Variants in SSH1 observed in about 807,000 individuals in gnomAD.
SSH1 encodes the protein slingshot protein phosphatase 1, also known as protein phosphatase Slingshot homolog 1.
In SSH1, 43 loss-of-function variants were observed where a neutral mutation model predicts 79.7. The ratio of observed to expected loss-of-function variants is 0.54; its 90% CI spans 0.42 to 0.70. The LOEUF (loss-of-function observed/expected upper bound fraction) is 0.70, where lower values mean the gene tolerates loss of function less well. Among genes scored for constraint, SSH1 ranks in the 30% least tolerant of loss-of-function variants. SSH1 has a pLI of 0.00. For synonymous variants in SSH1, 599 were observed against 538.3 expected, an observed-to-expected ratio of 1.11 and a Z score of -1.56; for missense variants, 1,206 against 1,358.8, an observed-to-expected ratio of 0.89 and a Z score of 1.77.
At chr12:108,816,889 C>T (rs2037914733) in intron 5 of SSH1, 149 bp downstream of exon 5, 1 of 1,192,558 alleles carries the variant, frequency 8.4e-7, no homozygotes, top group African/African-American at 1.5e-5. Flanking sequence ...AATGGCACAC[C>T]CTAGTGTTCC....
intron 2 of SSH1, among the ~76,000 whole-genome samples, chr12:108,835,815 TTAA>T (rs1307413712): frequency 4.7e-5 from 7 of 148,842 alleles, no homozygotes; most frequent in Non-Finnish European, 1.0e-4. Flanking sequence ...ATATTAAACA[TTAA>T]TGTTAATATT....
rs2036366614 is a variant in SSH1, at chr12:108,788,584, C to T, written c.2554G>A (p.Glu852Lys). 4 of 1,603,492 alleles carry T rather than the reference C, an allele frequency of 2.5e-6. No individual in the cohort carries two copies. Among genetic ancestry groups the T allele is most frequent in the Non-Finnish European group, 3.4e-6 (4 of 1,172,932 alleles). ...TGGCTCTCCTCGGGGATGCTGGCCT[C>T]CAGCCTGCTGGCAGGGCCATCCCTG... Reference protein sequence around the residue: ...PSRDGPASRLEASIPEESQDP... With the variant: ...PSRDGPASRLKASIPEESQDP... The change falls in exon 15 of 15, where the codon GAG becomes AAG. Residue 852 changes from glutamate (E) to lysine (K), a missense_variant. This residue lies in a region of SSH1 where 709 missense variants were observed against 730.6 expected (regional missense o/e 0.97). Coordinates refer to ENST00000326495, the MANE Select transcript of SSH1 (RefSeq NM_018984.4).
chr12:108,836,851 A>T lies in SSH1; in HGVS notation c.111-13490T>A, dbSNP rs571757464. The T allele has an allele frequency of 2.7e-4, 141 of 515,266 alleles. 1 individual carries two copies. The highest frequency in any genetic ancestry group is 1.3e-3 in the South Asian group (90 of 69,978). 31.9% of individuals were successfully genotyped at this position (515,266 alleles called of 1,614,324 possible). A position where few individuals can be genotyped will look rare whatever the true frequency, so the allele number is the denominator to read the frequency against. On this transcript the variant is annotated intron_variant, in intron 2 of 14. Coordinates refer to ENST00000326495, the MANE Select transcript of SSH1 (RefSeq NM_018984.4). The stretch of plus-strand genomic sequence containing the variant: ...CCCTTGGGTGATGTTCCAGCCAAAT[A>T]CACGTGCCCGGTGGAATCACACAAG...
At chr12:108,838,981 C>T (rs2038710566) in intron 2 of SSH1, among the ~76,000 whole-genome samples, 1 of 152,214 alleles carries the variant, frequency 6.6e-6, no homozygotes, top group Non-Finnish European at 1.5e-5. Context: ...CCGATTTTCT[C>T]ACTAATGTTA....
At position 108,788,577 on chromosome 12, in the gene SSH1, C is replaced by T; in HGVS notation, c.2561G>A (p.Ser854Asn). 6.3e-7 allele frequency: 1 copy of T among 1,599,960 alleles called. No homozygotes were observed. Among genetic ancestry groups the T allele is most frequent in the South Asian group, 1.1e-5 (1 of 89,752 alleles). ...TGGATCCTGGCTCTCCTCGGGGATG[C>T]TGGCCTCCAGCCTGCTGGCAGGGCC... Reference protein sequence around the residue: ...RDGPASRLEASIPEESQDPAA... With the variant: ...RDGPASRLEANIPEESQDPAA... Residue 854 changes from serine to asparagine, a missense_variant, in exon 15 of 15, where the codon AGC becomes AAC. Physicochemically the swap from Ser to Asn is conservative, Grantham distance 46. Around this residue, in one of 5 missense-constraint regions of SSH1, gnomAD observed 709 missense variants for 730.6 expected, o/e 0.97. Coordinates refer to ENST00000326495, the MANE Select transcript of SSH1 (RefSeq NM_018984.4).
intron 2 of SSH1, among the ~76,000 whole-genome samples, chr12:108,828,788 C>G (rs576843068): frequency 6.6e-6 from 1 of 152,280 alleles, no homozygotes; most frequent in Non-Finnish European, 1.5e-5. Flanking sequence ...CACACAGCCA[C>G]GCTGACCAAG....
chr12:108,821,817 G>A (rs1446817782), intron 3 of SSH1, among the ~76,000 whole-genome samples: 1 of 152,182 alleles, frequency 6.6e-6, no homozygotes, highest in African/African-American at 2.4e-5. Flanking sequence ...AAATTGCATG[G>A]TGTAGAATTC....
chr12:108,793,398 CT>C (rs200848471), intron 13 of SSH1, among the ~76,000 whole-genome samples: 30,610 of 137,526 alleles, frequency 0.22, 2,818 homozygotes, highest in South Asian at 0.36. Flanking sequence ...TTTATAATCC[CT>C]TTTTTTTTTT....
At chr12:108,818,926 G>A (rs145918630) in intron 3 of SSH1, among the ~76,000 whole-genome samples, 1 of 152,234 alleles carries the variant, frequency 6.6e-6, no homozygotes, top group African/African-American at 2.4e-5. Context: ...GCTAATTTTT[G>A]TATTTATAGT....
Position 108,785,666 on chromosome 12 carries a change from A to ACACCC in SSH1, c.*2317_*2321dup, listed in dbSNP as rs1457448415. Reference sequence around the variant, plus strand: ...GACCAACTTGTACTCTCCAGATTCCACACCCCACCCCCCAACTCTTTAGAT... The same window carrying ACACCC: ...GACCAACTTGTACTCTCCAGATTCCACACCCCACCCCACCCCCCAACTCTTTAGAT... On this transcript the variant is annotated 3_prime_UTR_variant, in exon 15 of 15. Transcript: ENST00000326495. The ACACCC allele has an allele frequency of 6.6e-6, 1 of 152,122 alleles. No individual in the cohort carries two copies. Among genetic ancestry groups the ACACCC allele is most frequent in the African/African-American group, 2.4e-5 (1 of 41,410 alleles). 9.4% of individuals were successfully genotyped at this position (152,122 alleles called of 1,614,324 possible).
chr12:108,834,951 C>T (rs1314306099), intron 2 of SSH1, among the ~76,000 whole-genome samples: 1 of 148,608 alleles, frequency 6.7e-6, no homozygotes, highest in Non-Finnish European at 1.5e-5. Context: ...ACTGGGCACT[C>T]CCCACACACA....
chr12:108,792,479 T>A lies in SSH1; in HGVS notation c.1700A>T (p.Asp567Val). 1.2e-6 allele frequency: 2 copies of A among 1,614,202 alleles called. No individual in the cohort carries two copies. The highest frequency in any genetic ancestry group is 8.5e-7 in the Non-Finnish European group (1 of 1,180,028). Residue 567 changes from aspartate to valine, a missense_variant, in exon 14 of 15, where the codon GAT becomes GTT. Coordinates refer to ENST00000326495, the MANE Select transcript of SSH1 (RefSeq NM_018984.4). ...CCCAAACTCTAGTTTCTTCTTCACA[T>A]CCTTCTCACAGAGTCCGGAACCTTG... ...PQQGSGLCEK[D>V]VKKKLEFGSP...
At position 108,857,508 on chromosome 12, in the gene SSH1, G is replaced by A. The variant is rs1214287985; in HGVS notation, c.-12C>T. 2.7e-6 allele frequency: 3 copies of A among 1,127,514 alleles called. No homozygotes were observed. The highest frequency in any genetic ancestry group is 2.0e-4 in the East Asian group (2 of 10,190). 69.8% of individuals were successfully genotyped at this position (1,127,514 alleles called of 1,614,324 possible). On this transcript the variant is annotated 5_prime_UTR_variant, in exon 1 of 15. Transcript: ENST00000326495. This position sits in a 1 kb window ranked among gnomAD's most constrained non-coding sequence, Gnocchi z 4.7. ...GTCACCAGGGCCATGGCTGCGGCGCGGTGCGAGGGCGCCACAGACGTCTCG... is the reference window on the plus strand; with the variant it reads ...GTCACCAGGGCCATGGCTGCGGCGCAGTGCGAGGGCGCCACAGACGTCTCG...
chr12:108,833,663 T>TC (rs1472086355), intron 2 of SSH1: 1 of 152,220 alleles, frequency 6.6e-6, no homozygotes, highest in East Asian at 1.9e-4. Context: ...TCTCTGAATG[T>TC]CCCTGAAGGC....
intron 2 of SSH1, among the ~76,000 whole-genome samples, chr12:108,829,312 G>A (rs1315833330): frequency 1.3e-5 from 2 of 152,180 alleles, no homozygotes; most frequent in Non-Finnish European, 2.9e-5. Flanking sequence ...GGGCGACAAA[G>A]TGAGACACTG....
In SSH1 at chr12:108,792,747, C is replaced by T. The variant is rs749216049; in HGVS notation, c.1432G>A (p.Asp478Asn). 5.6e-6 allele frequency: 9 copies of T among 1,613,900 alleles called. No individual in the cohort carries two copies. Among genetic ancestry groups the T allele is most frequent in the Non-Finnish European group, 5.9e-6 (7 of 1,180,032 alleles). Residue 478 changes from aspartate to asparagine, a missense_variant, in exon 14 of 15, where the codon GAC becomes AAC. Asp to Asn is a conservative substitution (Grantham distance 23). Transcript: ENST00000326495. The stretch of plus-strand genomic sequence containing the variant: ...CCATCTGGGGTCTCTGGCAAGAAGT[C>T]GCCAGGTCCTGCAGGGTCATCCACA... ...QPVDDPAGPG[D>N]FLPETPDGTP...
At position 108,784,056 on chromosome 12, in the gene SSH1, A is replaced by G. The variant is rs1592987643; in HGVS notation, c.*3932T>C. 6.6e-6 allele frequency: 1 copy of G among 152,170 alleles called. No individual in the cohort carries two copies. Among genetic ancestry groups the G allele is most frequent in the East Asian group, 1.9e-4 (1 of 5,194 alleles). 9.4% of individuals were successfully genotyped at this position (152,170 alleles called of 1,614,324 possible). On this transcript the variant is annotated 3_prime_UTR_variant, in exon 15 of 15. Coordinates refer to ENST00000326495, the MANE Select transcript of SSH1 (RefSeq NM_018984.4). ...GGCAAAATGTATTCTGGCACCAACA[A>G]TTTCCCACCAATGGAAGGCAACTCC...
chr12:108,839,960 A>C (rs1006834027), intron 2 of SSH1, among the ~76,000 whole-genome samples: 5 of 152,178 alleles, frequency 3.3e-5, no homozygotes, highest in African/African-American at 1.2e-4. Context: ...GAGAGGAGGA[A>C]GGCAGGTGGT....
chr12:108,800,652 G>T, intron 12 of SSH1, 128 bp downstream of exon 12: 1 of 1,127,286 alleles, frequency 8.9e-7, no homozygotes, highest in Non-Finnish European at 1.3e-6. Flanking sequence ...GCCAACTCCT[G>T]CGTCTGGAGT....
Sources: allele counts gnomAD v4.1 joint callset (sites outside exome capture counted in the v4.1 genomes callset), GRCh38; gene constraint gnomAD v4.1.1; regional missense constraint gnomAD v4.1.1; non-coding constraint Gnocchi (gnomAD v3.1); transcripts MANE v1.5; gene names NCBI Gene and HGNC (gene_info 2026-07-23, HGNC 2026-07-21).